The following GPHN variants were observed in gnomAD, a reference collection of about 807,000 sequenced individuals.
The protein encoded by GPHN is gephyrin.
Under a neutral mutation model 95.5 loss-of-function variants are expected in GPHN, and 17 were observed. That is an observed-to-expected ratio of 0.18 (90% CI 0.12 to 0.27). The LOEUF is 0.27. GPHN is among the 10% of genes least tolerant of loss of function. The pLI is 1.00. For missense variants in GPHN, 660 were observed against 978.1 expected (o/e 0.67, Z 4.34); for synonymous variants, 320 against 322.5 (o/e 0.99, Z 0.08).
the GPHN span, chr14:67,392,775 T>C: frequency 1.2e-6 from 2 of 1,614,096 alleles, no homozygotes; most frequent in East Asian, 4.5e-5. Flanking sequence ...TCCATGAGCA[T>C]GGAGGCCAGG....
intron 17 of GPHN, among the ~76,000 whole-genome samples, chr14:67,138,011 A>C (rs115642128): frequency 2.6e-5 from 4 of 152,234 alleles, no homozygotes; most frequent in Non-Finnish European, 4.4e-5. Context: ...TTTTGTTTCT[A>C]TCAGTATTTG....
the GPHN span, among the ~76,000 whole-genome samples, chr14:67,683,592 C>T: frequency 6.6e-6 from 1 of 152,160 alleles, no homozygotes; most frequent in Non-Finnish European, 1.5e-5. Flanking sequence ...TAATAAAGTC[C>T]CTGTTTGCCT....
the GPHN span, chr14:67,619,977 C>G: frequency 6.3e-7 from 1 of 1,589,486 alleles, no homozygotes; most frequent in African/African-American, 1.4e-5. Flanking sequence ...TGCTGCGGAT[C>G]ATGTCCCTAA....
the GPHN span, chr14:67,615,638 T>C: frequency 7.5e-6 from 4 of 536,798 alleles, no homozygotes; most frequent in Admixed American, 4.3e-5. Flanking sequence ...GGGAAGACCA[T>C]GTCTGCTAAA....
chr14:67,308,408 A>T, the GPHN span, among the ~76,000 whole-genome samples: 2 of 151,782 alleles, frequency 1.3e-5, no homozygotes, highest in Admixed American at 1.3e-4. Context: ...CCATTAAGCT[A>T]ATCCCAAAGT....
intron 17 of GPHN, among the ~76,000 whole-genome samples, chr14:67,137,512 C>G (rs1354820662): frequency 1.3e-5 from 2 of 152,004 alleles, no homozygotes; most frequent in East Asian, 3.9e-4. Context: ...GCCTGTAATC[C>G]CAGCACTTTT....
the GPHN span, chr14:67,412,188 G>T: frequency 5.9e-6 from 4 of 675,902 alleles, no homozygotes; most frequent in East Asian, 7.0e-5. Context: ...GCAGGGCGAC[G>T]CCTCCCTGGC....
chr14:67,191,028 G>A, the GPHN span, among the ~76,000 whole-genome samples: 1 of 152,220 alleles, frequency 6.6e-6, no homozygotes, highest in Non-Finnish European at 1.5e-5. Context: ...GAGGTCAGGA[G>A]TTCAAGACCA....
chr14:66,530,953 ATTTTT>A (rs569763873), intron 1 of GPHN, among the ~76,000 whole-genome samples: 2 of 121,154 alleles, frequency 1.7e-5, no homozygotes, highest in East Asian at 2.4e-4. Context: ...TGTTTGTTAG[ATTTTT>A]TTTTTTTTTT....
At chr14:67,128,865 A>G (rs1245628674) in intron 17 of GPHN, among the ~76,000 whole-genome samples, 1 of 147,794 alleles carries the variant, frequency 6.8e-6, no homozygotes, top group Non-Finnish European at 1.5e-5. Flanking sequence ...CCCACACTGG[A>G]GTGCAATGGT....
chr14:67,332,165 A>T, the GPHN span, among the ~76,000 whole-genome samples: 1 of 152,228 alleles, frequency 6.6e-6, no homozygotes, highest in Non-Finnish European at 1.5e-5. Flanking sequence ...TCTTGAACCC[A>T]TGTGCCTGAT....
intron 9 of GPHN, among the ~76,000 whole-genome samples, chr14:67,020,032 A>G (rs781675678): frequency 6.6e-6 from 1 of 152,156 alleles, no homozygotes; most frequent in Non-Finnish European, 1.5e-5. Flanking sequence ...GTTATACATT[A>G]TGCATGCATC....
At chr14:66,555,062 G>A (rs1395939731) in intron 1 of GPHN, among the ~76,000 whole-genome samples, 7 of 152,100 alleles carry the variant, frequency 4.6e-5, no homozygotes, top group Admixed American at 3.3e-4. Context: ...TGGAACTAAA[G>A]TAGATTCATA....
chr14:67,574,064 T>C, the GPHN span, among the ~76,000 whole-genome samples: 9 of 151,594 alleles, frequency 5.9e-5, no homozygotes, highest in African/African-American at 2.2e-4. The surrounding 1 kb of genome is among the most constrained non-coding windows in gnomAD (Gnocchi z 4.2). Context: ...ATATGAGAGA[T>C]GGAGTGAAGG....
At chr14:67,727,131 A>G in the GPHN span, 2 of 1,614,062 alleles carry the variant, frequency 1.2e-6, no homozygotes, top group Non-Finnish European at 1.7e-6. Flanking sequence ...GGTTTTGCCT[A>G]TTGCCACAGC....
chr14:67,226,720 A>G, the GPHN span, among the ~76,000 whole-genome samples: 7 of 152,162 alleles, frequency 4.6e-5, no homozygotes, highest in African/African-American at 1.7e-4. Flanking sequence ...AAGGTAATGG[A>G]CCAGAGGAGA....
intron 1 of GPHN, among the ~76,000 whole-genome samples, chr14:66,648,262 GAAAT>G (rs2064858288): frequency 6.6e-6 from 1 of 152,072 alleles, no homozygotes. Context: ...TTGAAAATAA[GAAAT>G]AATGTTAGTC....
At chr14:67,716,232 T>C in the GPHN span, among the ~76,000 whole-genome samples, 3 of 151,498 alleles carry the variant, frequency 2.0e-5, no homozygotes, top group East Asian at 5.8e-4. Context: ...AGAAATTGCC[T>C]AACTAAGTTA....
intron 4 of GPHN, among the ~76,000 whole-genome samples, chr14:66,878,887 A>T (rs760847597): frequency 6.6e-6 from 1 of 152,168 alleles, no homozygotes; most frequent in African/African-American, 2.4e-5. Context: ...ATATCGTCCT[A>T]TTCTAAAGAC....
Sources: allele counts gnomAD v4.1 joint callset (sites outside exome capture counted in the v4.1 genomes callset), GRCh38; gene constraint gnomAD v4.1.1; non-coding constraint Gnocchi (gnomAD v3.1); transcripts MANE v1.5; gene names NCBI Gene and HGNC (gene_info 2026-07-23, HGNC 2026-07-21).